KIFC3: variants seen among roughly 807,000 people sequenced by gnomAD.
KIFC3 encodes kinesin family member C3, also known as kinesin-like protein KIFC3.
A neutral mutation model predicts 101.8 loss-of-function variants in KIFC3; 60 were observed. The observed-to-expected ratio is 0.59, with a 90% CI of 0.48 to 0.73. KIFC3 has a LOEUF of 0.73. KIFC3 is among the 30% of genes least tolerant of loss of function. The probability of loss-of-function intolerance (pLI) is 0.00; values close to 1 mark genes in which losing one functional copy is unlikely to be tolerated. For synonymous variants in KIFC3, 476 were observed against 482.7 expected (o/e 0.99, Z 0.18); for missense variants, 966 against 1,137.1 (o/e 0.85, Z 2.16).
chr16:57,761,360 A>C (rs782667693), intron 14 of KIFC3, 53 bp downstream of exon 14: 2 of 1,611,246 alleles, frequency 1.2e-6, no homozygotes, highest in Non-Finnish European at 1.7e-6. Context: ...ATTCAAACCC[A>C]GTTGTGTCCT....
intron 3 of KIFC3, chr16:57,774,908 T>C (rs782375139): frequency 3.0e-5 from 44 of 1,446,702 alleles, no homozygotes; most frequent in Non-Finnish European, 3.8e-5. Context: ...CTTCAAAAGG[T>C]TGAAGTCTCC....
intron 1 of KIFC3, among the ~76,000 whole-genome samples, chr16:57,845,978 G>T (rs2055909302): frequency 6.6e-6 from 1 of 152,126 alleles, no homozygotes; most frequent in African/African-American, 2.4e-5. Flanking sequence ...AGAGCTGTGG[G>T]GTTTTTGTCA....
At chr16:57,784,122 C>T (rs747707710) in intron 3 of KIFC3, among the ~76,000 whole-genome samples, 18 of 152,252 alleles carry the variant, frequency 1.2e-4, no homozygotes, top group Non-Finnish European at 1.9e-4. Context: ...TCCGTTTTCC[C>T]CCAGGCAGAG....
At chr16:57,823,272 C>G (rs1190521578) in intron 1 of KIFC3, among the ~76,000 whole-genome samples, 1 of 152,160 alleles carries the variant, frequency 6.6e-6, no homozygotes. Context: ...TTAAATCAAC[C>G]TATGACCTGG....
In KIFC3 at chr16:57,760,437, C is replaced by T. The variant is rs376918243; in HGVS notation, c.2233-21G>A. On this transcript the variant is annotated intron_variant, in intron 16 of 19. Coordinates refer to ENST00000445690, the MANE Select transcript of KIFC3 (RefSeq NM_001130100.2). ...GACACCTAGGGGACACGAGAGCTCA[C>T]TGCCCACCCGGGCCAGCTGGAGGGG... The T allele has an allele frequency of 5.0e-6, 8 of 1,607,496 alleles. No homozygotes were observed. In the Admixed American group the frequency reaches 1.3e-4, roughly 27 times the overall value.
intron 11 of KIFC3, among the ~76,000 whole-genome samples, chr16:57,764,615 A>T (rs112188284): frequency 2.2e-4 from 33 of 152,358 alleles, no homozygotes; most frequent in African/African-American, 7.7e-4. Context: ...AGAACCAGAC[A>T]TGAGAACAGG....
chr16:57,827,222 C>T lies in KIFC3; in HGVS notation c.109-28940G>A, dbSNP rs185373271. ...CAGCCTGTGGCTGGTGGGAGCCTGG[C>T]GTCAGCGAGCTCAGGGTCTCACTTC... On this transcript the variant is annotated intron_variant, in intron 1 of 2. Transcript: ENST00000563028. Among the ~76,000 whole-genome samples, 89 of 152,320 alleles carry T rather than the reference C, an allele frequency of 5.8e-4. 2 individuals are homozygous for T. The highest frequency in any genetic ancestry group is 4.9e-3 in the Admixed American group (75 of 15,304).
intron 1 of KIFC3, chr16:57,816,310 G>A: frequency 1.7e-6 from 2 of 1,207,364 alleles, no homozygotes; most frequent in Non-Finnish European, 2.2e-6. Context: ...GAAGTGCGGT[G>A]GGATCTGTCT....
intron 1 of KIFC3, among the ~76,000 whole-genome samples, chr16:57,838,644 G>A (rs781166639): frequency 9.9e-5 from 15 of 152,184 alleles, no homozygotes; most frequent in Non-Finnish European, 2.1e-4. Flanking sequence ...AGGAAAGAAC[G>A]AGCTGAAATT....
intron 17 of KIFC3, 115 bp downstream of exon 17, chr16:57,760,167 G>T: frequency 7.8e-7 from 1 of 1,281,970 alleles, no homozygotes; most frequent in Non-Finnish European, 1.1e-6. Context: ...CCCAACTCCG[G>T]CAGCTTCCCT....
intron 3 of KIFC3, among the ~76,000 whole-genome samples, chr16:57,790,052 C>CTT (rs1294594357): frequency 1.0e-4 from 8 of 78,928 alleles, no homozygotes. Context: ...TTTTTGCTTT[C>CTT]TTTTTCTTTC....
intron 3 of KIFC3, chr16:57,775,066 AG>A (rs2149016566): frequency 3.3e-6 from 5 of 1,510,656 alleles, no homozygotes; most frequent in Non-Finnish European, 2.6e-6. Context: ...TGGGGGTGGG[AG>A]GCGGGATACC....
chr16:57,826,013 A>C (rs1414427827), intron 1 of KIFC3, among the ~76,000 whole-genome samples: 1 of 152,226 alleles, frequency 6.6e-6, no homozygotes, highest in Non-Finnish European at 1.5e-5. Context: ...TTTTTAAGCC[A>C]TATATGTTCA....
At chr16:57,770,828 G>C (rs1567970857) in intron 6 of KIFC3, 128 bp from the exon 7 acceptor site, 3 of 779,422 alleles carry the variant, frequency 3.8e-6, no homozygotes, top group Non-Finnish European at 5.6e-6. Flanking sequence ...AAAAAAACTA[G>C]AGGAGCCTTG....
At chr16:57,770,439 G>T in intron 7 of KIFC3, 88 bp downstream of exon 7, 1 of 1,202,924 alleles carries the variant, frequency 8.3e-7, no homozygotes. Context: ...CGTGTCTGTG[G>T]GGTACCCAAA....
chr16:57,812,120 G>C (rs2055097714), intron 1 of KIFC3, among the ~76,000 whole-genome samples: 1 of 150,370 alleles, frequency 6.7e-6, no homozygotes. Flanking sequence ...CGGCTCACTG[G>C]AGGCTCCATC....
rs782256258 is a variant in KIFC3, at chr16:57,761,573, A to G, written c.1749-37T>C. ...GGTGAGACAGTCACCCCCTCCTCCC[A>G]TTTCCAGCTGCTGTTTGCACTGCAC... is the stretch of plus-strand genomic sequence containing the variant. On this transcript the variant is annotated intron_variant, in intron 13 of 19. Transcript: ENST00000445690. The G allele has an allele frequency of 3.8e-6, 6 of 1,599,918 alleles. No individual in the cohort carries two copies. The South Asian group carries it at 4.4e-5, about 12-fold the overall frequency.
intron 19 of KIFC3, 66 bp downstream of exon 19, chr16:57,759,059 G>T (rs2148814086): frequency 1.3e-6 from 2 of 1,541,198 alleles, no homozygotes; most frequent in East Asian, 4.9e-5. Flanking sequence ...GAACGTCCCA[G>T]CGCAGCCCTG....
rs201383624 is a variant in KIFC3 at position 57,769,556 on chromosome 16, C to A, written c.1218+39G>T. 4.6e-4 allele frequency: 736 copies of A among 1,587,668 alleles called. 3 individuals are homozygous for A. Among genetic ancestry groups the A allele is most frequent in the South Asian group, 1.4e-3 (125 of 88,712 alleles). ...GATGTCGTGCCTCTCCCAGTGCACC[C>A]CCTTAGCCTGGACCCTCCCACCCAC... is the stretch of plus-strand genomic sequence containing the variant. On this transcript the variant is annotated intron_variant, in intron 9 of 19. Transcript: ENST00000445690. The surrounding 1 kb of genome is among the most constrained non-coding windows in gnomAD (Gnocchi z 4.3).
Sources: gnomAD v4.1 joint callset for allele counts (sites outside exome capture counted in the v4.1 genomes callset) on GRCh38, gnomAD v4.1.1 for gene constraint, Gnocchi (gnomAD v3.1) non-coding constraint, MANE v1.5 for transcripts, NCBI Gene and HGNC (gene_info 2026-07-23, HGNC 2026-07-21) for gene names.